The following SNX29 variants were observed in gnomAD, a reference collection of about 807,000 sequenced individuals.
SNX29 encodes the protein sorting nexin-29.
SNX29 carries 78 observed loss-of-function variants against 102.1 expected under a neutral mutation model. The observed-to-expected ratio is 0.76, with a 90% CI of 0.64 to 0.92. The LOEUF is 0.92. Among genes scored for constraint, SNX29 ranks in the 40% least tolerant of loss-of-function variants. The pLI, the probability that SNX29 is intolerant of heterozygous loss-of-function variation, is 0.00. For missense variants in SNX29, 1,280 were observed against 1,061.7 expected, an observed-to-expected ratio of 1.21 and a Z score of -2.86; for synonymous variants, 580 against 414.5, an observed-to-expected ratio of 1.40 and a Z score of -4.85.
chr16:12,073,422 G>T (rs1282264503), intron 10 of SNX29, among the ~76,000 whole-genome samples: 1 of 152,142 alleles, frequency 6.6e-6, no homozygotes, highest in South Asian at 2.1e-4. Flanking sequence ...CCTTCATTTC[G>T]TTATGTACCC....
intron 19 of SNX29, among the ~76,000 whole-genome samples, chr16:12,514,296 G>GCTT (rs2089764472): frequency 6.6e-6 from 1 of 152,072 alleles, no homozygotes; most frequent in Admixed American, 6.6e-5. Context: ...CTCTCATGTG[G>GCTT]CTTCCTAGGG....
chr16:12,450,688 A>C (rs2086263975), intron 18 of SNX29, among the ~76,000 whole-genome samples: 1 of 152,206 alleles, frequency 6.6e-6, no homozygotes, highest in African/African-American at 2.4e-5. Context: ...TGAGCTAGTC[A>C]GATGGGCTTT....
intron 9 of SNX29, among the ~76,000 whole-genome samples, chr16:12,062,597 A>T (rs1215046280): frequency 1.3e-5 from 2 of 152,124 alleles, no homozygotes; most frequent in African/African-American, 4.8e-5. Flanking sequence ...AGAAGTGCCC[A>T]GTTGCTGTCC....
chr16:12,129,670 G>T lies in SNX29; in HGVS notation c.1507G>T (p.Ala503Ser). Reference sequence around the variant, plus strand: ...GCTCGACGGTGAGATGGAGCACTCAGCCGCGCTCCGGCAAGAGGTGGACAC... The same window carrying T: ...GCTCGACGGTGAGATGGAGCACTCATCCGCGCTCCGGCAAGAGGTGGACAC... ...NLLDGEMEHS[A>S]ALRQEVDTLK... The change falls in exon 13 of 21, where the codon GCC becomes TCC. Residue 503 changes from alanine (A) to serine (S), a missense_variant. Coordinates refer to ENST00000566228, the MANE Select transcript of SNX29 (RefSeq NM_032167.5). The T allele has an allele frequency of 1.2e-6, 2 of 1,611,272 alleles. No individual in the cohort carries two copies. Among genetic ancestry groups the T allele is most frequent in the Non-Finnish European group, 8.5e-7 (1 of 1,179,594 alleles).
At chr16:12,236,922 T>C (rs1028410142) in intron 14 of SNX29, among the ~76,000 whole-genome samples, 2 of 152,154 alleles carry the variant, frequency 1.3e-5, no homozygotes, top group African/African-American at 4.8e-5. Flanking sequence ...CGGTGCTGCA[T>C]GAATGGATGG....
intron 11 of SNX29, among the ~76,000 whole-genome samples, chr16:12,085,473 C>A (rs536548561): frequency 6.6e-6 from 1 of 152,134 alleles, no homozygotes; most frequent in African/African-American, 2.4e-5. Context: ...ATTAAAGGCA[C>A]GCGCCACCAC....
At chr16:12,557,016 C>CCCCCG (rs1555458248) in intron 20 of SNX29, among the ~76,000 whole-genome samples, 1 of 11,916 alleles carries the variant, frequency 8.4e-5, no homozygotes, top group African/African-American at 2.1e-4. Context: ...GGCTAATTTA[C>CCCCCG]CCCCCCCCCG....
At chr16:12,011,706 G>C (rs1184766746) in intron 3 of SNX29, among the ~76,000 whole-genome samples, 2 of 152,144 alleles carry the variant, frequency 1.3e-5, no homozygotes, top group Non-Finnish European at 2.9e-5. Context: ...CCTGACAGTG[G>C]AGAGAGGTGG....
chr16:12,263,616 G>GTGAA (rs1288051079), intron 14 of SNX29, among the ~76,000 whole-genome samples: 1 of 152,194 alleles, frequency 6.6e-6, no homozygotes, highest in East Asian at 1.9e-4. Context: ...TTTCCCTGCA[G>GTGAA]TGAACATATG....
At chr16:12,350,771 C>T (rs2081971370) in intron 15 of SNX29, among the ~76,000 whole-genome samples, 1 of 152,232 alleles carries the variant, frequency 6.6e-6, no homozygotes, top group Non-Finnish European at 1.5e-5. Flanking sequence ...CTGATCATTA[C>T]AGTCACCGTG....
intron 20 of SNX29, among the ~76,000 whole-genome samples, chr16:12,562,439 C>G (rs996352033): frequency 2.6e-5 from 4 of 152,176 alleles, no homozygotes; most frequent in Admixed American, 2.0e-4. Flanking sequence ...ACACAGCTTG[C>G]TAGTTTGACT....
chr16:12,042,875 C>T (rs775756270), intron 4 of SNX29, 22 bp from the exon 5 acceptor site: 28 of 1,585,838 alleles, frequency 1.8e-5, no homozygotes, highest in Admixed American at 1.5e-4. Flanking sequence ...GAGTGCCAGG[C>T]GCCTGTGCCC....
intron 20 of SNX29, among the ~76,000 whole-genome samples, chr16:12,567,230 G>C (rs1360846258): frequency 6.6e-6 from 1 of 152,078 alleles, no homozygotes; most frequent in Non-Finnish European, 1.5e-5. Flanking sequence ...ATAAGGCAGA[G>C]CTAGCTGTGG....
intron 15 of SNX29, among the ~76,000 whole-genome samples, chr16:12,327,419 T>C (rs2081151696): frequency 6.6e-6 from 1 of 152,054 alleles, no homozygotes; most frequent in South Asian, 2.1e-4. Context: ...AAGGCTGAGA[T>C]CAAGGTGTCG....
intron 16 of SNX29, among the ~76,000 whole-genome samples, chr16:12,395,263 G>T (rs1366014993): frequency 6.6e-6 from 1 of 152,150 alleles, no homozygotes; most frequent in African/African-American, 2.4e-5. Context: ...CTGGCACTGG[G>T]GTCAGAGTTT....
intron 11 of SNX29, among the ~76,000 whole-genome samples, chr16:12,114,208 A>G (rs1456380802): frequency 2.0e-5 from 3 of 152,188 alleles, no homozygotes; most frequent in Non-Finnish European, 4.4e-5. Flanking sequence ...GCTTAAGTAA[A>G]ATAAGGGAAT....
chr16:12,069,111 C>G lies in SNX29; in HGVS notation c.1298C>G (p.Pro433Arg), dbSNP rs377646847. The G allele has an allele frequency of 1.2e-6, 2 of 1,613,500 alleles. No individual in the cohort carries two copies. The highest frequency in any genetic ancestry group is 1.7e-6 in the Non-Finnish European group (2 of 1,179,678). The change falls in exon 10 of 21, where the codon CCA becomes CGA. Residue 433 changes from proline (P) to arginine (R), a missense_variant. Pro to Arg is a moderately radical substitution (Grantham distance 103). Transcript: ENST00000566228. ...NGTGPEDHVL[P>R]DPGLRYSVEA... ...ACAGGACCAGAGGACCACGTTCTCC[C>G]AGATCCTGGACTTCGGTACAGGTTA...
chr16:12,040,270 C>T (rs1304909227), intron 4 of SNX29, among the ~76,000 whole-genome samples: 3 of 152,054 alleles, frequency 2.0e-5, no homozygotes, highest in East Asian at 3.9e-4. Flanking sequence ...CTCAGCTACT[C>T]GGGAGGCTGA....
intron 15 of SNX29, among the ~76,000 whole-genome samples, chr16:12,350,023 T>A (rs2081950481): frequency 6.6e-6 from 1 of 152,246 alleles, no homozygotes; most frequent in Admixed American, 6.5e-5. Context: ...GCTTCCAGTT[T>A]CTTTCCTCCT....
Sources: allele counts gnomAD v4.1 joint callset (sites outside exome capture counted in the v4.1 genomes callset), GRCh38; gene constraint gnomAD v4.1.1; transcripts MANE v1.5; gene names NCBI Gene and HGNC (gene_info 2026-07-23, HGNC 2026-07-21).